Variants in DDHD1 observed in about 807,000 individuals in gnomAD.
The protein encoded by DDHD1 is DDHD domain containing 1, also known as phospholipase DDHD1.
DDHD1 carries 49 observed loss-of-function variants against 96.4 expected under a neutral mutation model. The ratio of observed to expected loss-of-function variants is 0.51; its 90% CI spans 0.40 to 0.64. The LOEUF (loss-of-function observed/expected upper bound fraction) is 0.64, where lower values mean the gene tolerates loss of function less well. Among genes scored for constraint, DDHD1 ranks in the 30% least tolerant of loss-of-function variants. The probability of loss-of-function intolerance (pLI) is 0.00; values close to 1 mark genes in which losing one functional copy is unlikely to be tolerated. For synonymous variants in DDHD1, 442 were observed against 446.5 expected, an observed-to-expected ratio of 0.99 and a Z score of 0.13; for missense variants, 1,106 against 1,161.2, an observed-to-expected ratio of 0.95 and a Z score of 0.69.
chr14:53,103,813 G>T lies in DDHD1; in HGVS notation c.882C>A (p.Asp294Glu). 2 of 1,611,446 alleles carry T rather than the reference G, an allele frequency of 1.2e-6. No individual in the cohort carries two copies. The highest frequency in any genetic ancestry group is 1.3e-5 in the African/African-American group (1 of 74,782). The stretch of plus-strand genomic sequence containing the variant: ...CCTCTTCTAGAGGCTGCCAAGTGCC[G>T]TCAATAAACCACTGTCCACGCATTA... ...IPVMRGQWFI[D>E]GTWQPLEEEE... is the part of the protein sequence containing the mutation. The change falls in exon 2 of 13, where the codon GAC becomes GAA. Residue 294 changes from aspartate to glutamate, a missense_variant. Physicochemically the swap from Asp to Glu is conservative, Grantham distance 45 (BLOSUM62 2). Transcript: ENST00000673822.
intron 12 of DDHD1, among the ~76,000 whole-genome samples, chr14:53,049,476 G>C (rs1173966149): frequency 6.6e-6 from 1 of 152,078 alleles, no homozygotes; most frequent in Admixed American, 6.6e-5. Flanking sequence ...GATTTCCCAA[G>C]GGAGTGAGGG....
chr14:53,063,125 C>T lies in DDHD1; in HGVS notation c.1584G>A (p.Gly528=). The T allele has an allele frequency of 6.2e-7, 1 of 1,613,994 alleles. No individual in the cohort carries two copies. The highest frequency in any genetic ancestry group is 8.5e-7 in the Non-Finnish European group (1 of 1,179,974). The part of the protein sequence containing the change: ...CSRNPDFEEK[G]GKVSIVSHSL... ...AATGTGATACTATTGAGACTTTACC[C>T]CCTTTTTCTTCAAAGTCTGGATTCC... Residue 528 remains glycine, a synonymous_variant, in exon 7 of 13, where the codon GGG becomes GGA. Coordinates refer to ENST00000673822, the MANE Select transcript of DDHD1 (RefSeq NM_001160148.2).
At chr14:53,100,319 T>G (rs1159601669) in intron 2 of DDHD1, among the ~76,000 whole-genome samples, 1 of 151,488 alleles carries the variant, frequency 6.6e-6, no homozygotes, top group African/African-American at 2.4e-5. Context: ...CTACAAAAAA[T>G]TTAAAAAAAA....
rs990729399 is a variant in DDHD1, at chr14:53,093,619, T to C, written c.1013-175A>G. On this transcript the variant is annotated intron_variant, in intron 2 of 12. Coordinates refer to ENST00000673822, the MANE Select transcript of DDHD1 (RefSeq NM_001160148.2). The stretch of plus-strand genomic sequence containing the variant: ...AAAGTTATGTGAAGCAAGTAATGGA[T>C]AGGGACTTTATTTTATAAATGATTA... 1.9e-5 allele frequency: 13 copies of C among 689,070 alleles called. No individual in the cohort carries two copies. The African/African-American group carries it at 2.2e-4, about 12-fold the overall frequency. The allele number at this position is 689,070 out of a possible 1,614,324, so 42.7% of individuals were successfully genotyped here. A position where few individuals can be genotyped will look rare whatever the true frequency, so the allele number is the denominator to read the frequency against.
chr14:53,089,258 C>G (rs557236042), intron 4 of DDHD1, among the ~76,000 whole-genome samples: 11 of 152,152 alleles, frequency 7.2e-5, no homozygotes, highest in Non-Finnish European at 1.6e-4. Flanking sequence ...TTTATAGATT[C>G]AATGCCATCC....
Position 53,038,028 on chromosome 14 carries a change from G to C in DDHD1, c.*8740C>G, listed in dbSNP as rs1595064097. 6.6e-6 allele frequency: 1 copy of C among 151,902 alleles called. No individual in the cohort carries two copies. The highest frequency in any genetic ancestry group is 1.9e-4 in the East Asian group (1 of 5,174). The allele number at this position is 151,902 out of a possible 1,614,324, so 9.4% of individuals were successfully genotyped here. A position where few individuals can be genotyped will look rare whatever the true frequency, so the allele number is the denominator to read the frequency against. On this transcript the variant is annotated 3_prime_UTR_variant, in exon 13 of 13. Transcript: ENST00000673822. The stretch of plus-strand genomic sequence containing the variant: ...CATGATAAAACCCCTCAACAGACTA[G>C]GTATCAAAGGAACATATCTCAAAAT...
In DDHD1 at chr14:53,117,903, T is replaced by C. The variant is rs372807778; in HGVS notation, c.839-14047A>G. On this transcript the variant is annotated intron_variant, in intron 1 of 12. Transcript: ENST00000673822. ...CCTGACTGGGAAACACCTCCCAGTA[T>C]TGGCCGACAGACACCTCAAACAGGC... Among the ~76,000 whole-genome samples the C allele has an allele frequency of 4.5e-4, 69 of 152,268 alleles. 2 individuals carry two copies. The East Asian group carries it at 0.013, about 29-fold the overall frequency.
chr14:53,088,676 T>C (rs1886187131), intron 4 of DDHD1, among the ~76,000 whole-genome samples: 1 of 152,172 alleles, frequency 6.6e-6, no homozygotes, highest in Admixed American at 6.5e-5. Context: ...TATCTCAAAA[T>C]AATAAGAGCT....
chr14:53,109,966 C>G (rs1887985905), intron 1 of DDHD1, among the ~76,000 whole-genome samples: 1 of 152,102 alleles, frequency 6.6e-6, no homozygotes, highest in South Asian at 2.1e-4. Context: ...GGTGTTCAAC[C>G]ACAAATAGTC....
chr14:53,070,333 T>C (rs1884409765), intron 6 of DDHD1, among the ~76,000 whole-genome samples: 1 of 152,212 alleles, frequency 6.6e-6, no homozygotes, highest in Non-Finnish European at 1.5e-5. Context: ...ATAGTTAATA[T>C]CAGAACAATC....
At chr14:53,148,572 C>G (rs1279981656) in intron 1 of DDHD1, among the ~76,000 whole-genome samples, 1 of 151,776 alleles carries the variant, frequency 6.6e-6, no homozygotes, top group East Asian at 1.9e-4. Flanking sequence ...CTCAGCCTCC[C>G]AAAGTGCTGG....
rs1349619156 is a variant in DDHD1 at position 53,129,196 on chromosome 14, CA to C, written c.838+23064del. ...GACATTTGGTGCCGAAGACCCGGGACAGGGGGACTCCTTTGGGAGACCAGCC... is the reference window on the plus strand; with the variant it reads ...GACATTTGGTGCCGAAGACCCGGGACGGGGGACTCCTTTGGGAGACCAGCC... On this transcript the variant is annotated intron_variant, in intron 1 of 12. Transcript: ENST00000673822. Among the ~76,000 whole-genome samples, 13 of 152,344 alleles carry C rather than the reference CA, an allele frequency of 8.5e-5. No homozygotes were observed. The South Asian group carries it at 2.7e-3, about 32-fold the overall frequency.
chr14:53,152,152 AGGCC>A, intron 1 of DDHD1, 105 bp downstream of exon 1: 2 of 1,157,070 alleles, frequency 1.7e-6, no homozygotes, highest in Admixed American at 2.9e-5. Flanking sequence ...GCCAAACGCC[AGGCC>A]TCACGCGCCT....
At chr14:53,143,306 G>A (rs1890763721) in intron 1 of DDHD1, among the ~76,000 whole-genome samples, 1 of 152,228 alleles carries the variant, frequency 6.6e-6, no homozygotes, top group Non-Finnish European at 1.5e-5. Context: ...CTGTGGTAAG[G>A]TGAGTGGTGA....
chr14:53,153,292 GC>G lies in DDHD1; in HGVS notation c.-195del, dbSNP rs1265358422. On this transcript the variant is annotated 5_prime_UTR_variant, in exon 1 of 13. The change abolishes the stop of an existing upstream ORF in the 5' untranslated region. Transcript: ENST00000673822. ...CCGCCGCAGCTGCGTTCTGCCGCCG[GC>G]CCCATTGTCACGCAGCCCGACGTAG... 1.2e-5 allele frequency: 5 copies of G among 432,108 alleles called. No homozygotes were observed. The highest frequency in any genetic ancestry group is 8.3e-5 in the African/African-American group (4 of 48,472). 26.8% of individuals were successfully genotyped at this position (432,108 alleles called of 1,614,324 possible). A position where few individuals can be genotyped will look rare whatever the true frequency, so the allele number is the denominator to read the frequency against.
Position 53,037,506 on chromosome 14 carries a change from GA to G in DDHD1, c.*9261del, listed in dbSNP as rs2139777458. 1 of 152,240 alleles carries G rather than the reference GA, an allele frequency of 6.6e-6. No homozygotes were observed. Among genetic ancestry groups the G allele is most frequent in the African/African-American group, 2.4e-5 (1 of 41,548 alleles). The allele number at this position is 152,240 out of a possible 1,614,324, so 9.4% of individuals were successfully genotyped here. A position where few individuals can be genotyped will look rare whatever the true frequency, so the allele number is the denominator to read the frequency against. On this transcript the variant is annotated 3_prime_UTR_variant, in exon 13 of 13. Transcript: ENST00000673822. ...TTGCATTTCTCTGATGATTAGTGAT[GA>G]GCATTTTTTCACGTTTGTTGATTGC...
Position 53,037,733 on chromosome 14 carries a change from T to A in DDHD1, c.*9035A>T, listed in dbSNP as rs1881365078. 6.6e-6 allele frequency: 1 copy of A among 152,148 alleles called. No homozygotes were observed. Among genetic ancestry groups the A allele is most frequent in the African/African-American group, 2.4e-5 (1 of 41,440 alleles). 9.4% of individuals were successfully genotyped at this position (152,148 alleles called of 1,614,324 possible). A position where few individuals can be genotyped will look rare whatever the true frequency, so the allele number is the denominator to read the frequency against. On this transcript the variant is annotated 3_prime_UTR_variant, in exon 13 of 13. Coordinates refer to ENST00000673822, the MANE Select transcript of DDHD1 (RefSeq NM_001160148.2). ...CTTTTGCTGTGCAGAGTGCTTTAAT[T>A]AGGTCCCCACTTGCCAATTTCTGTT...
At chr14:53,080,527 T>C (rs1885370321) in intron 4 of DDHD1, among the ~76,000 whole-genome samples, 1 of 152,178 alleles carries the variant, frequency 6.6e-6, no homozygotes, top group South Asian at 2.1e-4. Flanking sequence ...AAAATGTTTC[T>C]TTCAGTTCAA....
At position 53,040,388 on chromosome 14, in the gene DDHD1, A is replaced by G. The variant is rs1040393078; in HGVS notation, c.*6380T>C. On this transcript the variant is annotated 3_prime_UTR_variant, in exon 13 of 13. Coordinates refer to ENST00000673822, the MANE Select transcript of DDHD1 (RefSeq NM_001160148.2). ...TCAATTTTCATAAACTTTTTGGAAG[A>G]GTTACCACAAACTGTATGATGAGGA... The G allele has an allele frequency of 1.3e-5, 2 of 152,184 alleles. No individual in the cohort carries two copies. Among genetic ancestry groups the G allele is most frequent in the Non-Finnish European group, 2.9e-5 (2 of 68,036 alleles). The allele number at this position is 152,184 out of a possible 1,614,324, so 9.4% of individuals were successfully genotyped here.
Sources: allele counts gnomAD v4.1 joint callset (sites outside exome capture counted in the v4.1 genomes callset), GRCh38; gene constraint gnomAD v4.1.1; transcripts MANE v1.5; gene names NCBI Gene and HGNC (gene_info 2026-07-23, HGNC 2026-07-21).